The following CTNNA2 variants were observed in gnomAD, a reference collection of about 807,000 sequenced individuals.
CTNNA2 encodes the protein catenin alpha 2.
In CTNNA2, 42 loss-of-function variants were observed where a neutral mutation model predicts 101.0. The observed-to-expected ratio is 0.42, with a 90% CI of 0.32 to 0.54. The LOEUF is 0.54. Among genes scored for constraint, CTNNA2 ranks in the 20% least tolerant of loss-of-function variants. The probability of loss-of-function intolerance (pLI) is 0.14; values close to 1 mark genes in which losing one functional copy is unlikely to be tolerated. For missense variants in CTNNA2, 871 were observed against 1,223.1 expected (o/e 0.71, Z 4.29); for synonymous variants, 450 against 456.4 (o/e 0.99, Z 0.18).
At chr2:80,511,069 C>T (rs1286553963) in intron 9 of CTNNA2, among the ~76,000 whole-genome samples, 1 of 152,172 alleles carries the variant, frequency 6.6e-6, no homozygotes, top group African/African-American at 2.4e-5. Context: ...TTGTGAGCAA[C>T]TTTAGAGAGC....
At chr2:79,196,677 G>T (rs1673965308) in intron 1 of CTNNA2, among the ~76,000 whole-genome samples, 1 of 152,122 alleles carries the variant, frequency 6.6e-6, no homozygotes, top group Non-Finnish European at 1.5e-5. Context: ...CTTTGTAGAG[G>T]TTTCTCTAAA....
chr2:80,457,529 A>G (rs146912740), intron 9 of CTNNA2, among the ~76,000 whole-genome samples: 25 of 152,224 alleles, frequency 1.6e-4, no homozygotes, highest in African/African-American at 5.5e-4. Flanking sequence ...TACACTGTCT[A>G]TATTATTAAT....
chr2:80,391,938 A>G (rs1677553703), intron 7 of CTNNA2, among the ~76,000 whole-genome samples: 1 of 152,242 alleles, frequency 6.6e-6, no homozygotes, highest in Non-Finnish European at 1.5e-5. Context: ...CTAAAAATAT[A>G]TGCACATATG....
At chr2:79,425,027 T>C (rs1015591435) in intron 4 of CTNNA2, among the ~76,000 whole-genome samples, 3 of 152,136 alleles carry the variant, frequency 2.0e-5, no homozygotes, top group Non-Finnish European at 4.4e-5. Context: ...AAATCTTGTT[T>C]ATCTTGCCAA....
At chr2:79,474,228 GA>G (rs1309678965) in intron 4 of CTNNA2, among the ~76,000 whole-genome samples, 6 of 151,966 alleles carry the variant, frequency 3.9e-5, no homozygotes, top group African/African-American at 9.7e-5. Flanking sequence ...CGTAATCAGG[GA>G]AAAAAATGGA....
intron 1 of CTNNA2, among the ~76,000 whole-genome samples, chr2:79,569,860 C>T (rs1250045745): frequency 6.6e-6 from 1 of 152,158 alleles, no homozygotes; most frequent in Admixed American, 6.6e-5. Context: ...GGAGATACCT[C>T]AGCCATACAT....
At chr2:80,578,153 C>T (rs781414278) in intron 13 of CTNNA2, among the ~76,000 whole-genome samples, 2 of 152,154 alleles carry the variant, frequency 1.3e-5, no homozygotes, top group Non-Finnish European at 2.9e-5. Context: ...ACAAGTTAAT[C>T]TCATAGACTT....
chr2:79,842,909 T>C (rs2103853636), intron 3 of CTNNA2, among the ~76,000 whole-genome samples: 1 of 152,306 alleles, frequency 6.6e-6, no homozygotes, highest in Non-Finnish European at 1.5e-5. Flanking sequence ...CAGAGGGAGA[T>C]GTGCCAAAAG....
chr2:80,376,410 G>A (rs1208863068), intron 7 of CTNNA2, among the ~76,000 whole-genome samples: 1 of 149,960 alleles, frequency 6.7e-6, no homozygotes, highest in Non-Finnish European at 1.5e-5. Context: ...AGACATGCCA[G>A]CAAACTAGAG....
At chr2:79,945,759 T>C (rs917342590) in intron 7 of CTNNA2, among the ~76,000 whole-genome samples, 2 of 152,192 alleles carry the variant, frequency 1.3e-5, no homozygotes, top group Non-Finnish European at 2.9e-5. Context: ...GAGAAATTAA[T>C]TTATCCAGCA....
At chr2:79,411,376 CT>C (rs1477696344) in intron 4 of CTNNA2, among the ~76,000 whole-genome samples, 3 of 151,872 alleles carry the variant, frequency 2.0e-5, no homozygotes, top group Non-Finnish European at 4.4e-5. Context: ...TTTTCTAGTT[CT>C]TTTAATTGTG....
intron 18 of CTNNA2, among the ~76,000 whole-genome samples, chr2:80,625,838 G>T (rs1671628610): frequency 1.3e-5 from 2 of 151,892 alleles, no homozygotes; most frequent in African/African-American, 4.8e-5. Flanking sequence ...TGTTTAACTA[G>T]GATTTGGGGC....
At chr2:79,768,319 G>T (rs1673309468) in intron 3 of CTNNA2, among the ~76,000 whole-genome samples, 1 of 150,896 alleles carries the variant, frequency 6.6e-6, no homozygotes, top group Non-Finnish European at 1.5e-5. Context: ...CATAGTACCT[G>T]GTTTTAACAC....
chr2:79,359,773 T>A (rs1677587659), intron 3 of CTNNA2, among the ~76,000 whole-genome samples: 1 of 151,354 alleles, frequency 6.6e-6, no homozygotes, highest in Admixed American at 6.6e-5. Flanking sequence ...CTAGAGCTCT[T>A]GACTCAGTCT....
intron 2 of CTNNA2, among the ~76,000 whole-genome samples, chr2:79,667,764 A>T (rs1377994868): frequency 6.6e-6 from 1 of 152,224 alleles, no homozygotes; most frequent in East Asian, 1.9e-4. Context: ...TAGCATACTG[A>T]GTGGTTACTA....
Position 79,443,309 on chromosome 2 carries a change from C to T in CTNNA2, c.-134-61745C>T, listed in dbSNP as rs568998200. Among the ~76,000 whole-genome samples the T allele has an allele frequency of 9.9e-5, 15 of 152,172 alleles. 1 individual carries two copies. The South Asian group carries it at 1.2e-3, about 13-fold the overall frequency. The stretch of plus-strand genomic sequence containing the variant: ...GGTGTGAGTCCTAGTCCAAGTCCCA[C>T]GACCCAAGAACCAGCAGAACTGATG... On this transcript the variant is annotated intron_variant, in intron 4 of 21. Coordinates refer to the CTNNA2 transcript ENST00000466387.
chr2:79,657,054 T>A (rs974227686), intron 2 of CTNNA2, among the ~76,000 whole-genome samples: 2 of 150,774 alleles, frequency 1.3e-5, no homozygotes, highest in South Asian at 4.2e-4. Context: ...CTTAAGGAAT[T>A]AAAAAAAATC....
chr2:79,430,020 A>G (rs1007051677), intron 4 of CTNNA2, among the ~76,000 whole-genome samples: 1 of 152,162 alleles, frequency 6.6e-6, no homozygotes, highest in African/African-American at 2.4e-5. Flanking sequence ...AACAAATATG[A>G]GAGGTAAAAA....
intron 7 of CTNNA2, among the ~76,000 whole-genome samples, chr2:80,222,378 T>C (rs1303255905): frequency 6.6e-6 from 1 of 152,230 alleles, no homozygotes; most frequent in Non-Finnish European, 1.5e-5. Context: ...TTTGTTAATA[T>C]TTAAATATTA....
Sources: allele counts gnomAD v4.1 joint callset (sites outside exome capture counted in the v4.1 genomes callset), GRCh38; gene constraint gnomAD v4.1.1; transcripts MANE v1.5; gene names NCBI Gene and HGNC (gene_info 2026-07-23, HGNC 2026-07-21).